CCDC85A: variants seen among roughly 807,000 people sequenced by gnomAD.
CCDC85A encodes coiled-coil domain-containing protein 85A.
In CCDC85A, 38 loss-of-function variants were observed where a neutral mutation model predicts 50.2. That is an observed-to-expected ratio of 0.76 (90% CI 0.58 to 0.99). CCDC85A has a LOEUF of 0.99. Among genes scored for constraint, CCDC85A ranks in the 50% least tolerant of loss-of-function variants. The pLI is 0.00. For synonymous variants in CCDC85A, 366 were observed against 301.4 expected (o/e 1.21, Z -2.22); for missense variants, 820 against 742.0 (o/e 1.11, Z -1.22).
At chr2:56,247,566 C>A (rs1669566922) in intron 2 of CCDC85A, among the ~76,000 whole-genome samples, 1 of 152,122 alleles carries the variant, frequency 6.6e-6, no homozygotes, top group African/African-American at 2.4e-5. Flanking sequence ...CTTGAAGCCA[C>A]CTTGTTTAAA....
chr2:56,226,491 T>C (rs1360811435), intron 2 of CCDC85A, among the ~76,000 whole-genome samples: 1 of 152,148 alleles, frequency 6.6e-6, no homozygotes, highest in Non-Finnish European at 1.5e-5. Flanking sequence ...CTAAAAGGCT[T>C]TTTTAGCAAC....
At chr2:56,188,657 C>A (rs747040969) in intron 1 of CCDC85A, among the ~76,000 whole-genome samples, 2 of 152,186 alleles carry the variant, frequency 1.3e-5, no homozygotes, top group African/African-American at 2.4e-5. Flanking sequence ...CTCCAAATAT[C>A]CACAGCTTCT....
At chr2:56,202,030 C>G (rs1676767359) in intron 2 of CCDC85A, among the ~76,000 whole-genome samples, 1 of 152,116 alleles carries the variant, frequency 6.6e-6, no homozygotes, top group Non-Finnish European at 1.5e-5. Flanking sequence ...ATTTATTCTT[C>G]TAGACATAGA....
chr2:56,184,757 C>T lies in CCDC85A; in HGVS notation c.133C>T (p.Leu45=). ...DLSKVSDEEL[L]QWSKEELIRS... ...GTCCAAAGTGTCGGACGAGGAGCTG[C>T]TGCAGTGGAGCAAGGAGGAGCTGAT... Residue 45 remains leucine (L), a synonymous_variant, in exon 1 of 6, where the codon CTG becomes TTG. Transcript: ENST00000407595. The T allele has an allele frequency of 1.3e-6, 2 of 1,545,198 alleles. No individual in the cohort carries two copies. Among genetic ancestry groups the T allele is most frequent in the African/African-American group, 2.8e-5 (2 of 72,356 alleles).
At chr2:56,289,586 T>C (rs980636779) in intron 2 of CCDC85A, among the ~76,000 whole-genome samples, 1 of 152,056 alleles carries the variant, frequency 6.6e-6, no homozygotes, top group Non-Finnish European at 1.5e-5. Context: ...GGTACAACAG[T>C]GGTAGAGGTG....
At chr2:56,246,480 C>T (rs1438035296) in intron 2 of CCDC85A, among the ~76,000 whole-genome samples, 1 of 150,476 alleles carries the variant, frequency 6.6e-6, no homozygotes, top group African/African-American at 2.4e-5. Context: ...ATGTTTTCTT[C>T]TAAAAGTTTT....
At chr2:56,335,881 T>C (rs1674048061) in intron 2 of CCDC85A, among the ~76,000 whole-genome samples, 1 of 152,048 alleles carries the variant, frequency 6.6e-6, no homozygotes, top group Admixed American at 6.5e-5. Flanking sequence ...ATTACAGGCG[T>C]GAGCCACTGC....
chr2:56,354,711 A>G (rs1257552304), intron 3 of CCDC85A, among the ~76,000 whole-genome samples: 1 of 152,250 alleles, frequency 6.6e-6, no homozygotes, highest in East Asian at 1.9e-4. Flanking sequence ...ATGTTGGAGA[A>G]GCAGGATGAA....
At chr2:56,245,531 T>C (rs746344636) in intron 2 of CCDC85A, among the ~76,000 whole-genome samples, 4 of 152,232 alleles carry the variant, frequency 2.6e-5, no homozygotes, top group Non-Finnish European at 4.4e-5. Context: ...CTTCCCTGAT[T>C]TTTGGTTCTT....
At chr2:56,211,029 G>A (rs1268419126) in intron 2 of CCDC85A, among the ~76,000 whole-genome samples, 8 of 152,052 alleles carry the variant, frequency 5.3e-5, no homozygotes, top group African/African-American at 1.7e-4. Flanking sequence ...CTATTACATT[G>A]CATCCAGGCT....
At chr2:56,266,539 G>A (rs13026289) in intron 2 of CCDC85A, among the ~76,000 whole-genome samples, 45,123 of 142,986 alleles carry the variant, frequency 0.32, 7,123 homozygotes, top group South Asian at 0.37. Flanking sequence ...ATCACATTAT[G>A]CCCAATAAAT....
intron 2 of CCDC85A, among the ~76,000 whole-genome samples, 172 bp downstream of exon 2, chr2:56,193,612 T>C (rs936362506): frequency 4.6e-5 from 7 of 152,196 alleles, no homozygotes; most frequent in Non-Finnish European, 8.8e-5. Flanking sequence ...TTCTCCTCCA[T>C]CTGTTTTTAT....
intron 2 of CCDC85A, among the ~76,000 whole-genome samples, chr2:56,285,765 G>T (rs1449554787): frequency 6.6e-6 from 1 of 151,760 alleles, no homozygotes; most frequent in African/African-American, 2.4e-5. Context: ...TTTTAATGAA[G>T]TTAAGAGAAA....
intron 2 of CCDC85A, among the ~76,000 whole-genome samples, chr2:56,239,471 G>T (rs912442455): frequency 6.6e-6 from 1 of 152,036 alleles, no homozygotes; most frequent in African/African-American, 2.4e-5. Flanking sequence ...ACTACATGTT[G>T]CTGGGAGGTA....
At chr2:56,350,492 A>C (rs1371110360) in intron 3 of CCDC85A, among the ~76,000 whole-genome samples, 1 of 152,198 alleles carries the variant, frequency 6.6e-6, no homozygotes, top group African/African-American at 2.4e-5. Context: ...TAACAGGCTC[A>C]TAGAAAGTGG....
chr2:56,244,340 T>C (rs2103973548), intron 2 of CCDC85A, among the ~76,000 whole-genome samples: 1 of 152,232 alleles, frequency 6.6e-6, no homozygotes, highest in South Asian at 2.1e-4. Flanking sequence ...TGCCTATGCC[T>C]ACCACCACTG....
At chr2:56,335,340 G>A (rs1674019638) in intron 2 of CCDC85A, among the ~76,000 whole-genome samples, 1 of 152,112 alleles carries the variant, frequency 6.6e-6, no homozygotes, top group Non-Finnish European at 1.5e-5. Context: ...TGCCTTTAGC[G>A]CTTGGGGTTT....
At chr2:56,245,212 T>C (rs1183102326) in intron 2 of CCDC85A, among the ~76,000 whole-genome samples, 10 of 152,236 alleles carry the variant, frequency 6.6e-5, no homozygotes, top group Non-Finnish European at 4.4e-5. Flanking sequence ...TACTTTAGCC[T>C]GCAGTGGTGA....
chr2:56,359,735 A>T (rs1276436455), intron 3 of CCDC85A, among the ~76,000 whole-genome samples: 1 of 152,234 alleles, frequency 6.6e-6, no homozygotes, highest in East Asian at 1.9e-4. Context: ...TGCAGAAAAA[A>T]GTACGAAGTA....
Sources: allele counts gnomAD v4.1 joint callset (sites outside exome capture counted in the v4.1 genomes callset), GRCh38; gene constraint gnomAD v4.1.1; transcripts MANE v1.5; gene names NCBI Gene and HGNC (gene_info 2026-07-23, HGNC 2026-07-21).